Variants in KDM4C observed in about 807,000 individuals in gnomAD.
KDM4C encodes lysine-specific demethylase 4C.
In KDM4C, 81 loss-of-function variants were observed where a neutral mutation model predicts 129.3. That is an observed-to-expected ratio of 0.63 (90% CI 0.52 to 0.75). The LOEUF (loss-of-function observed/expected upper bound fraction) is 0.75. Among genes scored for constraint, KDM4C ranks in the 30% least tolerant of loss-of-function variants. The pLI, the probability that KDM4C is intolerant of heterozygous loss-of-function variation, is 0.00. For synonymous variants in KDM4C, 573 were observed against 456.1 expected, an observed-to-expected ratio of 1.26 and a Z score of -3.26; for missense variants, 1,457 against 1,304.0, an observed-to-expected ratio of 1.12 and a Z score of -1.81.
At position 6,958,174 on chromosome 9, in the gene KDM4C, T is replaced by C. The variant is rs182259600; in HGVS notation, c.922-22751T>C. Among the ~76,000 whole-genome samples, 7 of 151,910 alleles carry C rather than the reference T, an allele frequency of 4.6e-5. 1 individual carries two copies. Among genetic ancestry groups the C allele is most frequent in the Admixed American group, 4.6e-4 (7 of 15,254 alleles). ...CCAACCAGGTGTTTCCAAAAGTGAC[T>C]CACAATGCCGTCTTTCACCTGTTAA... On this transcript the variant is annotated intron_variant, in intron 8 of 21. Transcript: ENST00000381309.
At chr9:7,012,682 G>A (rs1251625425) in intron 13 of KDM4C, among the ~76,000 whole-genome samples, 1 of 152,076 alleles carries the variant, frequency 6.6e-6, no homozygotes, top group African/African-American at 2.4e-5. Context: ...TATACTGATA[G>A]CACCTCAGCT....
At chr9:7,094,839 AAGAC>A (rs1161860551) in intron 17 of KDM4C, among the ~76,000 whole-genome samples, 3 of 152,182 alleles carry the variant, frequency 2.0e-5, no homozygotes, top group Non-Finnish European at 2.9e-5. Flanking sequence ...GCATAATTGA[AAGAC>A]AAGAGGCAAA....
chr9:6,821,733 C>T (rs1277645070), intron 4 of KDM4C, among the ~76,000 whole-genome samples: 1 of 151,980 alleles, frequency 6.6e-6, no homozygotes, highest in Non-Finnish European at 1.5e-5. Flanking sequence ...CCCCCGGGTT[C>T]AAGCAGTTCT....
intron 2 of KDM4C, among the ~76,000 whole-genome samples, chr9:6,799,551 C>T (rs760636868): frequency 3.9e-5 from 5 of 127,464 alleles, no homozygotes; most frequent in African/African-American, 1.5e-4. Flanking sequence ...AGAGGGAGAC[C>T]GTGGAAAGGG....
intron 15 of KDM4C, among the ~76,000 whole-genome samples, chr9:7,041,388 C>T (rs1372996315): frequency 6.6e-6 from 1 of 151,918 alleles, no homozygotes; most frequent in African/African-American, 2.4e-5. Context: ...TGTGAGGGGT[C>T]TTGGAACCAA....
At chr9:6,844,400 A>C (rs549017738) in intron 4 of KDM4C, among the ~76,000 whole-genome samples, 1 of 152,192 alleles carries the variant, frequency 6.6e-6, no homozygotes, top group Non-Finnish European at 1.5e-5. Flanking sequence ...ATGTGGTCAC[A>C]GTAATTTTTT....
At chr9:6,968,163 T>C (rs1831330443) in intron 8 of KDM4C, among the ~76,000 whole-genome samples, 1 of 152,182 alleles carries the variant, frequency 6.6e-6, no homozygotes, top group Non-Finnish European at 1.5e-5. Flanking sequence ...TCCTTCACCT[T>C]ATGAACTTAG....
chr9:6,982,302 C>T (rs1051394652), intron 9 of KDM4C: 3 of 151,912 alleles, frequency 2.0e-5, no homozygotes, highest in African/African-American at 7.3e-5. Flanking sequence ...CAAACTTCGG[C>T]ATCTTATAAG....
intron 8 of KDM4C, among the ~76,000 whole-genome samples, chr9:6,949,746 G>A (rs901912319): frequency 1.3e-5 from 2 of 152,368 alleles, no homozygotes; most frequent in African/African-American, 4.8e-5. Context: ...GCAGGCTGAG[G>A]CAGGAGAATC....
At chr9:6,794,034 C>T (rs1287652663) in intron 2 of KDM4C, among the ~76,000 whole-genome samples, 1 of 152,192 alleles carries the variant, frequency 6.6e-6, no homozygotes, top group African/African-American at 2.4e-5. Flanking sequence ...AGTCATTCTC[C>T]ATTCCCTGCT....
At chr9:6,894,038 A>G (rs910920583) in intron 8 of KDM4C, among the ~76,000 whole-genome samples, 2 of 147,938 alleles carry the variant, frequency 1.4e-5, no homozygotes, top group South Asian at 2.1e-4. Context: ...GCAGAAAATG[A>G]TAAATAAAGC....
chr9:6,802,258 GTGA>G (rs1829141895), intron 2 of KDM4C, among the ~76,000 whole-genome samples: 1 of 152,166 alleles, frequency 6.6e-6, no homozygotes, highest in South Asian at 2.1e-4. Context: ...ACAGTATTAG[GTGA>G]TGATGAAGGT....
intron 1 of KDM4C, among the ~76,000 whole-genome samples, chr9:6,735,780 A>G (rs1817507750): frequency 6.6e-6 from 1 of 152,196 alleles, no homozygotes; most frequent in African/African-American, 2.4e-5. Context: ...CTAGTAGAGC[A>G]GGGCACTGCT....
chr9:6,747,202 A>AAACCAACC (rs1554666609), intron 1 of KDM4C, among the ~76,000 whole-genome samples: 9 of 132,972 alleles, frequency 6.8e-5, no homozygotes, highest in African/African-American at 2.8e-4. Context: ...CCAAAAAACC[A>AAACCAACC]AACCAACCAA....
chr9:6,926,977 G>A (rs1822692276), intron 8 of KDM4C, among the ~76,000 whole-genome samples: 1 of 151,986 alleles, frequency 6.6e-6, no homozygotes, highest in Admixed American at 6.6e-5. Flanking sequence ...TTAGATGGAG[G>A]GAAAATATAT....
At chr9:6,960,251 G>C (rs1391123798) in intron 8 of KDM4C, among the ~76,000 whole-genome samples, 1 of 151,422 alleles carries the variant, frequency 6.6e-6, no homozygotes, top group Non-Finnish European at 1.5e-5. Context: ...TTGAAAGAAG[G>C]ATAAATGGAA....
chr9:6,845,152 T>C (rs1456012991), intron 4 of KDM4C, among the ~76,000 whole-genome samples: 1 of 152,186 alleles, frequency 6.6e-6, no homozygotes, highest in East Asian at 1.9e-4. Flanking sequence ...AGAGACTGAG[T>C]GCAGTTACTG....
At chr9:6,844,027 G>A (rs1441529733) in intron 4 of KDM4C, among the ~76,000 whole-genome samples, 4 of 152,012 alleles carry the variant, frequency 2.6e-5, no homozygotes, top group African/African-American at 9.7e-5. Flanking sequence ...TAGAGATGAG[G>A]TCTCTCTCTT....
intron 8 of KDM4C, among the ~76,000 whole-genome samples, chr9:6,966,269 G>A (rs1395029901): frequency 1.3e-5 from 2 of 151,994 alleles, no homozygotes; most frequent in African/African-American, 2.4e-5. Flanking sequence ...TGCAAGCTCC[G>A]CCTTCCAGGT....
Sources: allele counts gnomAD v4.1 joint callset (sites outside exome capture counted in the v4.1 genomes callset), GRCh38; gene constraint gnomAD v4.1.1; transcripts MANE v1.5; gene names NCBI Gene and HGNC (gene_info 2026-07-23, HGNC 2026-07-21).